SKI: variants seen among roughly 807,000 people sequenced by gnomAD.
The protein encoded by SKI is ski oncogene.
In SKI, 23 loss-of-function variants were observed where a neutral mutation model predicts 59.3. That is an observed-to-expected ratio of 0.39 (90% CI 0.28 to 0.55). The LOEUF is 0.55. Among genes scored for constraint, SKI ranks in the 20% least tolerant of loss-of-function variants. The pLI is 0.67. For missense variants in SKI, 1,017 were observed against 1,038.9 expected (o/e 0.98, Z 0.29); for synonymous variants, 673 against 488.6 (o/e 1.38, Z -4.98).
intron 1 of SKI, among the ~76,000 whole-genome samples, chr1:2,272,524 G>C (rs1639647723): frequency 6.6e-6 from 1 of 152,204 alleles, no homozygotes; most frequent in African/African-American, 2.4e-5. Context: ...TTCCCCCACA[G>C]GCTACACAAG....
intron 1 of SKI, among the ~76,000 whole-genome samples, chr1:2,237,231 G>A (rs967743862): frequency 2.6e-5 from 4 of 152,216 alleles, no homozygotes; most frequent in African/African-American, 9.6e-5. Context: ...GTGAGGGGTG[G>A]TGGGAGGGCA....
chr1:2,254,532 C>T (rs534289423), intron 1 of SKI, among the ~76,000 whole-genome samples: 16 of 152,336 alleles, frequency 1.1e-4, no homozygotes, highest in Non-Finnish European at 1.5e-4. Flanking sequence ...AGTCTGGGTG[C>T]GTTGAAGACG....
intron 1 of SKI, among the ~76,000 whole-genome samples, chr1:2,284,504 C>G (rs1007152010): frequency 1.3e-5 from 2 of 152,202 alleles, no homozygotes; most frequent in African/African-American, 2.4e-5. Context: ...TGTCCCTGTT[C>G]TGTGGAGCAG....
rs571976990 is a variant in SKI, at chr1:2,306,219, C to G, written c.1967C>G (p.Ala656Gly). Reference sequence around the variant, plus strand: ...CGGGTGTGCGACAAGGGCTGCGAGGCGGGCCGCCTGCGCGCCAAGTACTCG... The same window carrying G: ...CGGGTGTGCGACAAGGGCTGCGAGGGGGGCCGCCTGCGCGCCAAGTACTCG... Reference protein sequence around the residue: ...QARVCDKGCEAGRLRAKYSAQ... With the variant: ...QARVCDKGCEGGRLRAKYSAQ... Residue 656 changes from alanine (A) to glycine (G), a missense_variant, in exon 6 of 7, where the codon GCG becomes GGG. Physicochemically the swap from Ala to Gly is moderately conservative, Grantham distance 60 (BLOSUM62 0). Transcript: ENST00000378536. 11 of 1,565,490 alleles carry G rather than the reference C, an allele frequency of 7.0e-6. No homozygotes were observed. In the South Asian group the frequency reaches 1.3e-4, roughly 18 times the overall value.
At chr1:2,271,639 T>C (rs1271098163) in intron 1 of SKI, among the ~76,000 whole-genome samples, 1 of 152,012 alleles carries the variant, frequency 6.6e-6, no homozygotes, top group Non-Finnish European at 1.5e-5. Flanking sequence ...CTTTGTCCCA[T>C]TGAGCCCCGC....
chr1:2,282,419 T>A (rs2645079), intron 1 of SKI, among the ~76,000 whole-genome samples: 2 of 36,040 alleles, frequency 5.5e-5, no homozygotes, highest in African/African-American at 1.1e-4. Context: ...AGAGAGAGGA[T>A]GCCCGAGAAG....
intron 5 of SKI, 97 bp from the exon 6 acceptor site, chr1:2,305,919 CAGAT>C (rs990529080): frequency 5.3e-5 from 49 of 933,200 alleles, no homozygotes; most frequent in South Asian, 2.1e-4. Context: ...GGCACATTGT[CAGAT>C]AGATGACCCC....
chr1:2,305,467 C>T (rs1283616594), intron 5 of SKI, among the ~76,000 whole-genome samples: 2 of 152,208 alleles, frequency 1.3e-5, no homozygotes, highest in African/African-American at 4.8e-5. Flanking sequence ...CCCAGCACGT[C>T]CCCCGCCACT....
chr1:2,230,218 C>T (rs1401347782), intron 1 of SKI, among the ~76,000 whole-genome samples: 1 of 152,226 alleles, frequency 6.6e-6, no homozygotes, highest in Non-Finnish European at 1.5e-5. Context: ...CTTTGGGCCC[C>T]AGGAGACAGA....
chr1:2,244,916 T>G (rs1185188106), intron 1 of SKI, among the ~76,000 whole-genome samples: 1 of 152,228 alleles, frequency 6.6e-6, no homozygotes, highest in Admixed American at 6.5e-5. Flanking sequence ...CAGAAACTAT[T>G]ACTAGAAACA....
At position 2,306,879 on chromosome 1, in the gene SKI, C is replaced by T. The variant is rs1324257074; in HGVS notation, c.*114C>T. 7.2e-6 allele frequency: 5 copies of T among 696,248 alleles called. No homozygotes were observed. Among genetic ancestry groups the T allele is most frequent in the Non-Finnish European group, 1.0e-5 (5 of 497,310 alleles). 43.1% of individuals were successfully genotyped at this position (696,248 alleles called of 1,614,324 possible). ...CAGCCCACACAGCACAACGTCTTACCGTGCCTATTACCAAGCGAGTGTTTG... is the reference window on the plus strand; with the variant it reads ...CAGCCCACACAGCACAACGTCTTACTGTGCCTATTACCAAGCGAGTGTTTG... On this transcript the variant is annotated 3_prime_UTR_variant, in exon 7 of 7. Transcript: ENST00000378536.
chr1:2,288,762 G>A (rs988221294), intron 1 of SKI, among the ~76,000 whole-genome samples: 1 of 152,132 alleles, frequency 6.6e-6, no homozygotes, highest in African/African-American at 2.4e-5. Flanking sequence ...GGCATTTTTG[G>A]GGTCATGGCA....
At position 2,306,692 on chromosome 1, in the gene SKI, T is replaced by C. The variant is rs1434882246; in HGVS notation, c.2114T>C (p.Leu705Pro). The C allele has an allele frequency of 6.5e-7, 1 of 1,543,644 alleles. No individual in the cohort carries two copies. Among genetic ancestry groups the C allele is most frequent in the African/African-American group, 1.4e-5 (1 of 72,492 alleles). ...CACCTGGAGAAGGTGGTGAAGGAGC[T>C]GCAGGAACAGCTGTGGCCGCGGGCC... The part of the protein sequence containing the change: ...REHLEKVVKE[L>P]QEQLWPRARP... Residue 705 changes from leucine (L) to proline (P), a missense_variant, in exon 7 of 7, where the codon CTG (leucine) becomes CCG (proline). Leu to Pro is a moderately conservative substitution (Grantham distance 98, BLOSUM62 -3). Transcript: ENST00000378536.
chr1:2,291,052 G>A (rs1476043532), intron 1 of SKI, among the ~76,000 whole-genome samples: 3 of 152,346 alleles, frequency 2.0e-5, no homozygotes, highest in Non-Finnish European at 2.9e-5. Flanking sequence ...AGGAGCGTCC[G>A]GGGAGGGAGC....
chr1:2,261,868 G>T (rs1460379801), intron 1 of SKI, among the ~76,000 whole-genome samples: 4 of 139,134 alleles, frequency 2.9e-5, no homozygotes, highest in Admixed American at 2.1e-4. Flanking sequence ...GGGAGTGGAC[G>T]CCCTCACTCC....
intron 1 of SKI, among the ~76,000 whole-genome samples, chr1:2,272,881 C>G (rs760414110): frequency 6.6e-6 from 1 of 152,208 alleles, no homozygotes; most frequent in East Asian, 1.9e-4. Context: ...CTCCTGCCCC[C>G]GAGGCTCGCT....
At chr1:2,266,408 T>A (rs2100846435) in intron 1 of SKI, among the ~76,000 whole-genome samples, 1 of 152,312 alleles carries the variant, frequency 6.6e-6, no homozygotes, top group Admixed American at 6.5e-5. Flanking sequence ...CGCCATGCTC[T>A]CCCTGAATTG....
intron 1 of SKI, among the ~76,000 whole-genome samples, chr1:2,287,376 G>C (rs1430405678): frequency 7.0e-6 from 1 of 142,922 alleles, no homozygotes; most frequent in Admixed American, 7.1e-5. Context: ...TGGCTCTGTC[G>C]CCCAGGCTGG....
intron 1 of SKI, among the ~76,000 whole-genome samples, chr1:2,294,180 G>A (rs1226706767): frequency 6.6e-6 from 1 of 152,214 alleles, no homozygotes; most frequent in Admixed American, 6.5e-5. Context: ...CCCTCCCACT[G>A]GTGCCCATGG....
Sources: gnomAD v4.1 joint callset for allele counts (sites outside exome capture counted in the v4.1 genomes callset) on GRCh38, gnomAD v4.1.1 for gene constraint, MANE v1.5 for transcripts, NCBI Gene and HGNC (gene_info 2026-07-23, HGNC 2026-07-21) for gene names.